PLEKHG7: variants seen among roughly 807,000 people sequenced by gnomAD.
The protein encoded by PLEKHG7 is pleckstrin homology and RhoGEF domain containing G7, also known as pleckstrin homology domain-containing family G member 7.
Under a neutral mutation model 85.2 loss-of-function variants are expected in PLEKHG7, and 77 were observed. The ratio of observed to expected loss-of-function variants is 0.90; its 90% CI spans 0.75 to 1.09. The LOEUF (loss-of-function observed/expected upper bound fraction) is 1.09, where lower values mean the gene tolerates loss of function less well. PLEKHG7 is among the 50% of genes least tolerant of loss of function. The pLI is 0.00. For synonymous variants in PLEKHG7, 301 were observed against 302.4 expected (o/e 1.00, Z 0.05); for missense variants, 777 against 804.3 (o/e 0.97, Z 0.41).
In PLEKHG7 at chr12:92,768,296, C is replaced by T. The variant is rs554464268; in HGVS notation, c.1871-687C>T. ...TCAAAGAAGAGACTTTCATTTTAAG[C>T]GCTCCTGCTATATTAGAAAAAGAAG... On this transcript the variant is annotated intron_variant, in intron 15 of 16. Coordinates refer to ENST00000344636, the MANE Select transcript of PLEKHG7 (RefSeq NM_001377329.1). 1.7e-4 allele frequency among the ~76,000 whole-genome samples: 26 copies of T among 152,144 alleles called. 1 individual carries two copies. In the East Asian group the frequency reaches 1.7e-3, roughly 10 times the overall value.
chr12:92,742,158 C>T (rs1459644422), intron 9 of PLEKHG7, among the ~76,000 whole-genome samples: 3 of 152,174 alleles, frequency 2.0e-5, no homozygotes, highest in Non-Finnish European at 4.4e-5. Flanking sequence ...TGAATTTTTA[C>T]ACTCCACTTT....
At chr12:92,757,895 G>A (rs904523928) in intron 13 of PLEKHG7, among the ~76,000 whole-genome samples, 6 of 152,290 alleles carry the variant, frequency 3.9e-5, no homozygotes, top group African/African-American at 1.4e-4. Context: ...TTAATAAGCA[G>A]TGTTCAAAAT....
rs900166826 is a variant in PLEKHG7 at position 92,756,388 on chromosome 12, G to A, written c.1633G>A (p.Ala545Thr). ...HLLYEGKLTL[A>T]ESTRFLDVYL... ...TCTCTATGAAGGAAAATTAACTCTT[G>A]CAGGTAAATAACTGCTTCCTTTAAA... Residue 545 changes from alanine (A) to threonine (T), a missense_variant, in exon 13 of 17, where the codon GCA becomes ACA. By Grantham distance (58) the Ala-to-Thr change is moderately conservative. This residue lies in a region of PLEKHG7 where 520 missense variants were observed against 544.0 expected (regional missense o/e 0.96). Transcript: ENST00000344636. 1 of 1,607,274 alleles carries A rather than the reference G, an allele frequency of 6.2e-7. No individual in the cohort carries two copies. The highest frequency in any genetic ancestry group is 8.5e-7 in the Non-Finnish European group (1 of 1,173,990).
rs997050230 is a variant in PLEKHG7, at chr12:92,764,147, C to T, written c.1823C>T (p.Pro608Leu). The T allele has an allele frequency of 6.2e-7, 1 of 1,609,132 alleles. No homozygotes were observed. The highest frequency in any genetic ancestry group is 8.5e-7 in the Non-Finnish European group (1 of 1,177,316). Residue 608 changes from proline to leucine, a missense_variant, in exon 15 of 17, where the codon CCA (proline) becomes CTA (leucine). Pro to Leu is a moderately conservative substitution (Grantham distance 98). Coordinates refer to ENST00000344636, the MANE Select transcript of PLEKHG7 (RefSeq NM_001377329.1). ...TGTACAGTACTCGATCAGCCTATTC[C>T]ACTAGATAGATTGGTAGTCAAAAGT... ...GSCTVLDQPI[P>L]LDRLVVKSIE...
intron 10 of PLEKHG7, among the ~76,000 whole-genome samples, chr12:92,753,062 G>T (rs1872735219): frequency 6.6e-6 from 1 of 152,190 alleles, no homozygotes; most frequent in Non-Finnish European, 1.5e-5. Flanking sequence ...ATTTTATTAG[G>T]TTGGTGCAAA....
At chr12:92,743,610 A>T (rs988977964) in intron 9 of PLEKHG7, among the ~76,000 whole-genome samples, 3 of 152,100 alleles carry the variant, frequency 2.0e-5, no homozygotes, top group African/African-American at 4.8e-5. Flanking sequence ...CCCAGTCTGG[A>T]GTGCGGTGGC....
chr12:92,756,271 C>T, intron 12 of PLEKHG7, 27 bp from the exon 13 acceptor site: 1 of 1,525,494 alleles, frequency 6.6e-7, no homozygotes, highest in South Asian at 1.1e-5. Context: ...AACAACATCT[C>T]TTTTATTTTC....
intron 2 of PLEKHG7, 181 bp from the exon 3 acceptor site, chr12:92,707,466 GACA>G: frequency 6.9e-7 from 1 of 1,444,958 alleles, no homozygotes; most frequent in Non-Finnish European, 9.1e-7. Flanking sequence ...ACTATTTAAA[GACA>G]ACGTCGTGTC....
At chr12:92,710,524 G>A (rs114866728) in intron 3 of PLEKHG7, among the ~76,000 whole-genome samples, 1,945 of 152,160 alleles carry the variant, frequency 0.013, 43 homozygotes, top group African/African-American at 0.044. Flanking sequence ...ACTGCATACA[G>A]GATAGGCAAA....
At chr12:92,761,643 A>G (rs145042614) in intron 13 of PLEKHG7, 109 bp from the exon 14 acceptor site, 68,258 of 520,800 alleles carry the variant, frequency 0.13, 3,012 homozygotes, top group Non-Finnish European at 0.16. Context: ...AGAAAGAAAG[A>G]AAGAAAGAAA....
intron 3 of PLEKHG7, among the ~76,000 whole-genome samples, chr12:92,719,438 A>G (rs1871575832): frequency 6.6e-6 from 1 of 152,232 alleles, no homozygotes; most frequent in Admixed American, 6.5e-5. Context: ...GCTGAAAAAG[A>G]CTACATTTAC....
intron 14 of PLEKHG7, among the ~76,000 whole-genome samples, chr12:92,762,111 AAGCT>A (rs1419873566): frequency 2.0e-5 from 3 of 152,228 alleles, no homozygotes; most frequent in African/African-American, 7.2e-5. Context: ...ATATACTTGC[AAGCT>A]AAGTCCCAGA....
chr12:92,727,154 C>A (rs902778387), intron 3 of PLEKHG7, among the ~76,000 whole-genome samples: 7 of 152,184 alleles, frequency 4.6e-5, no homozygotes, highest in African/African-American at 1.7e-4. Context: ...GCCTCCCAGT[C>A]CTTCCTAACA....
At position 92,753,988 on chromosome 12, in the gene PLEKHG7, C is replaced by A. The variant is rs568106652; in HGVS notation, c.1252-102C>A. On this transcript the variant is annotated intron_variant, in intron 10 of 16. Transcript: ENST00000344636. Reference sequence around the variant, plus strand: ...CCAGCAAACTCACAAGTAGGTCCTGCAGTTACTGAGTAAAATCTCCAAGAA... The same window carrying A: ...CCAGCAAACTCACAAGTAGGTCCTGAAGTTACTGAGTAAAATCTCCAAGAA... 5.9e-6 allele frequency: 7 copies of A among 1,176,550 alleles called. No homozygotes were observed. The South Asian group carries it at 8.9e-5, about 15-fold the overall frequency. The allele number at this position is 1,176,550 out of a possible 1,614,324, so 72.9% of individuals were successfully genotyped here.
intron 10 of PLEKHG7, among the ~76,000 whole-genome samples, chr12:92,746,436 G>A (rs1323255770): frequency 6.6e-6 from 1 of 152,232 alleles, no homozygotes; most frequent in Non-Finnish European, 1.5e-5. Context: ...TGCCAAGGAC[G>A]AGAAAAGGGG....
At chr12:92,724,384 A>C (rs1274817662) in intron 3 of PLEKHG7, among the ~76,000 whole-genome samples, 2 of 152,210 alleles carry the variant, frequency 1.3e-5, no homozygotes, top group Admixed American at 1.3e-4. Context: ...GTAAGAACTC[A>C]CAGCCCTAAT....
chr12:92,755,810 T>C lies in PLEKHG7; in HGVS notation c.1427-15T>C. 1 of 1,530,760 alleles carries C rather than the reference T, an allele frequency of 6.5e-7. No individual in the cohort carries two copies. Among genetic ancestry groups the C allele is most frequent in the Non-Finnish European group, 9.0e-7 (1 of 1,105,596 alleles). 94.8% of individuals were successfully genotyped at this position (1,530,760 alleles called of 1,614,324 possible). On this transcript the variant is annotated splice_polypyrimidine_tract_variant and intron_variant, in intron 11 of 16. Transcript: ENST00000344636. ...TATGCACCTAAAAATATACTGACTATGTCATGTCTTTCAGGGGACCTTGAA... is the reference window on the plus strand; with the variant it reads ...TATGCACCTAAAAATATACTGACTACGTCATGTCTTTCAGGGGACCTTGAA...
rs1872763501 is a variant in PLEKHG7, at chr12:92,754,181, T to TA, written c.1343_1344insA (p.Lys449GlufsTer12). On this transcript the variant is annotated frameshift_variant, in exon 11 of 17. Coordinates refer to ENST00000344636, the MANE Select transcript of PLEKHG7 (RefSeq NM_001377329.1). LOFTEE classifies it high-confidence loss of function. Reference sequence around the variant, plus strand: ...AGGCTCACTCGATATCCGTTGTTGCTGAAGAATATCTGGAAAAGGAGCATG... The same window carrying TA: ...AGGCTCACTCGATATCCGTTGTTGCTAGAAGAATATCTGGAAAAGGAGCATG... 1 of 1,613,848 alleles carries TA rather than the reference T, an allele frequency of 6.2e-7. No homozygotes were observed. Among genetic ancestry groups the TA allele is most frequent in the Non-Finnish European group, 8.5e-7 (1 of 1,179,932 alleles).
chr12:92,712,136 A>C (rs534071040), intron 3 of PLEKHG7, among the ~76,000 whole-genome samples: 1 of 152,334 alleles, frequency 6.6e-6, no homozygotes, highest in African/African-American at 2.4e-5. Context: ...AATAAGTCCA[A>C]TGTATTTGCT....
Sources: allele counts gnomAD v4.1 joint callset (sites outside exome capture counted in the v4.1 genomes callset), GRCh38; gene constraint gnomAD v4.1.1; regional missense constraint gnomAD v4.1.1; transcripts MANE v1.5; gene names NCBI Gene and HGNC (gene_info 2026-07-23, HGNC 2026-07-21).